Variants in LRP1B observed in about 807,000 individuals in gnomAD.
LRP1B encodes the protein low-density lipoprotein receptor-related protein 1B.
In LRP1B, 217 loss-of-function variants were observed where a neutral mutation model predicts 556.6. That is an observed-to-expected ratio of 0.39 (90% CI 0.35 to 0.44). The LOEUF is 0.44. Ranked by LOEUF, LRP1B falls within the 20% of genes least tolerant of loss-of-function variation. The probability of loss-of-function intolerance (pLI) is 1.00; values close to 1 mark genes in which losing one functional copy is unlikely to be tolerated. For synonymous variants in LRP1B, 2,047 were observed against 1,865.8 expected (o/e 1.10, Z -2.50); for missense variants, 5,053 against 5,620.8 (o/e 0.90, Z 3.23).
chr2:140,932,916 C>CACAT (rs766679275), intron 20 of LRP1B, among the ~76,000 whole-genome samples: 3 of 147,520 alleles, frequency 2.0e-5, no homozygotes, highest in Non-Finnish European at 3.0e-5. Flanking sequence ...CACACACACA[C>CACAT]ATATATATGT....
intron 31 of LRP1B, among the ~76,000 whole-genome samples, chr2:140,828,385 G>A (rs1325194162): frequency 2.3e-4 from 34 of 150,388 alleles, no homozygotes; most frequent in East Asian, 1.2e-3. Flanking sequence ...CGAGGCAGGC[G>A]GATCACGAGG....
intron 1 of LRP1B, among the ~76,000 whole-genome samples, chr2:141,814,273 G>T (rs1696458531): frequency 6.6e-6 from 1 of 152,122 alleles, no homozygotes; most frequent in Admixed American, 6.6e-5. Flanking sequence ...AGGGATGTGG[G>T]CTTTTTCTTA....
intron 86 of LRP1B, among the ~76,000 whole-genome samples, chr2:140,268,758 C>CT (rs917322094): frequency 6.6e-6 from 1 of 151,714 alleles, no homozygotes; most frequent in Non-Finnish European, 1.5e-5. Flanking sequence ...ATGACTTAAA[C>CT]TATTAAGAAA....
chr2:141,230,781 T>C (rs1463735078), intron 5 of LRP1B, among the ~76,000 whole-genome samples: 1 of 152,194 alleles, frequency 6.6e-6, no homozygotes, highest in Non-Finnish European at 1.5e-5. Flanking sequence ...CTCTTTTAGG[T>C]CATTATGCAA....
intron 1 of LRP1B, among the ~76,000 whole-genome samples, chr2:141,879,878 T>A (rs1399498805): frequency 1.3e-5 from 2 of 151,982 alleles, no homozygotes; most frequent in African/African-American, 4.8e-5. Flanking sequence ...ATCCCTAGAT[T>A]ATCACTATTT....
chr2:141,735,318 C>A (rs1042450047), intron 2 of LRP1B, among the ~76,000 whole-genome samples: 1 of 151,652 alleles, frequency 6.6e-6, no homozygotes, highest in Non-Finnish European at 1.5e-5. Context: ...AGTTAGAGGT[C>A]AGCATGGAGA....
At chr2:140,881,329 C>G (rs1693468358) in intron 25 of LRP1B, among the ~76,000 whole-genome samples, 1 of 151,190 alleles carries the variant, frequency 6.6e-6, no homozygotes, top group African/African-American at 2.4e-5. Context: ...GTGAAAGGTC[C>G]AATATATTAA....
At chr2:140,706,633 A>AT (rs1559067382) in intron 37 of LRP1B, among the ~76,000 whole-genome samples, 1 of 152,134 alleles carries the variant, frequency 6.6e-6, no homozygotes, top group African/African-American at 2.4e-5. Context: ...CAATGAGCAC[A>AT]TATCATGAGT....
In LRP1B at chr2:140,989,671, G is replaced by T. The variant is rs746561250; in HGVS notation, c.2645-14C>A. The T allele has an allele frequency of 1.9e-5, 30 of 1,610,678 alleles. No homozygotes were observed. The highest frequency in any genetic ancestry group is 1.4e-5 in the Non-Finnish European group (16 of 1,178,210). Reference sequence around the variant, plus strand: ...AGCTATGATTGACTGGGAGGGAGGGGGAAGCAAGATTAATTATTTAAAATT... The same window carrying T: ...AGCTATGATTGACTGGGAGGGAGGGTGAAGCAAGATTAATTATTTAAAATT... On this transcript the variant is annotated splice_polypyrimidine_tract_variant and intron_variant, in intron 16 of 90. Coordinates refer to ENST00000389484, the MANE Select transcript of LRP1B (RefSeq NM_018557.3).
chr2:141,148,427 T>C (rs2105075577), intron 7 of LRP1B, among the ~76,000 whole-genome samples: 1 of 152,274 alleles, frequency 6.6e-6, no homozygotes, highest in South Asian at 2.1e-4. Flanking sequence ...AAAGACGTTT[T>C]GTTGGTGGAA....
chr2:141,380,956 G>T (rs77306004), intron 3 of LRP1B, among the ~76,000 whole-genome samples: 7,374 of 152,156 alleles, frequency 0.048, 215 homozygotes, highest in South Asian at 0.08. Context: ...AAACCAATAT[G>T]TGAAGACCGG....
chr2:141,036,985 C>T (rs1269568585), intron 11 of LRP1B, among the ~76,000 whole-genome samples: 3 of 152,154 alleles, frequency 2.0e-5, no homozygotes, highest in African/African-American at 4.8e-5. Context: ...AACCCAGACA[C>T]GCAGGACCTA....
Position 140,574,133 on chromosome 2 carries a change from TA to T in LRP1B, c.7194+24497del, listed in dbSNP as rs554802271. ...TTTACTTTCCTGTAATTGGTTTAAT[TA>T]AAAATTGGAAAAATCAAGAACATTC... On this transcript the variant is annotated intron_variant, in intron 43 of 90. Transcript: ENST00000389484. 6.6e-5 allele frequency among the ~76,000 whole-genome samples: 10 copies of T among 152,218 alleles called. No individual in the cohort carries two copies. The South Asian group carries it at 2.1e-3, about 32-fold the overall frequency.
intron 1 of LRP1B, among the ~76,000 whole-genome samples, chr2:142,044,866 G>A (rs1297340285): frequency 6.6e-6 from 1 of 151,508 alleles, no homozygotes; most frequent in Non-Finnish European, 1.5e-5. Flanking sequence ...CTTCTTTCTT[G>A]GGCATACAGA....
intron 3 of LRP1B, among the ~76,000 whole-genome samples, chr2:141,369,778 C>A (rs77210747): frequency 0.065 from 9,908 of 152,080 alleles, 446 homozygotes; most frequent in African/African-American, 0.12. Flanking sequence ...GCACATTGTA[C>A]CCCCGGAGCA....
chr2:140,414,401 CTT>C (rs1486528579), intron 66 of LRP1B, among the ~76,000 whole-genome samples: 1 of 151,990 alleles, frequency 6.6e-6, no homozygotes, highest in Non-Finnish European at 1.5e-5. Context: ...AAAAAATACA[CTT>C]ATTGTTCTGA....
At chr2:142,034,342 T>TA (rs1230118857) in intron 1 of LRP1B, among the ~76,000 whole-genome samples, 1 of 151,800 alleles carries the variant, frequency 6.6e-6, no homozygotes, top group Non-Finnish European at 1.5e-5. Context: ...ATTTTTGCTT[T>TA]ACCTCTACAC....
intron 2 of LRP1B, among the ~76,000 whole-genome samples, chr2:141,698,156 C>T (rs138478470): frequency 1.6e-4 from 24 of 151,736 alleles, no homozygotes; most frequent in South Asian, 2.1e-4. Flanking sequence ...CTTTTTTTGG[C>T]GGTGGAGGGT....
chr2:140,687,944 A>G (rs543680598), intron 41 of LRP1B, among the ~76,000 whole-genome samples: 1 of 152,170 alleles, frequency 6.6e-6, no homozygotes, highest in Non-Finnish European at 1.5e-5. Flanking sequence ...AGATCTATTT[A>G]TAATTCACAG....
Sources: gnomAD v4.1 joint callset for allele counts (sites outside exome capture counted in the v4.1 genomes callset) on GRCh38, gnomAD v4.1.1 for gene constraint, MANE v1.5 for transcripts, NCBI Gene and HGNC (gene_info 2026-07-23, HGNC 2026-07-21) for gene names.